Variants in OR4D9 observed in about 807,000 individuals in gnomAD.
OR4D9 encodes the protein olfactory receptor 4D9.
Under a neutral mutation model 0.8 loss-of-function variants are expected in OR4D9, and 2 were observed. That is an observed-to-expected ratio of 2.58 (90% CI 1.06 to 8.13). The LOEUF (loss-of-function observed/expected upper bound fraction) is 8.13. Ranked by LOEUF, OR4D9 falls within the 30% of genes most tolerant of loss-of-function variation. The probability of loss-of-function intolerance (pLI) is 0.04; values close to 1 mark genes in which losing one functional copy is unlikely to be tolerated. For synonymous variants in OR4D9, 146 were observed against 151.2 expected, an observed-to-expected ratio of 0.97 and a Z score of 0.25; for missense variants, 399 against 384.7, an observed-to-expected ratio of 1.04 and a Z score of -0.31.
intron 1 of OR4D9, among the ~76,000 whole-genome samples, chr11:59,513,420 G>A (rs547479793): frequency 9.9e-4 from 150 of 152,224 alleles, no homozygotes; most frequent in African/African-American, 3.3e-3. Context: ...GCCTCCCTTA[G>A]GCTCCCTTCA....
rs185592963 is a variant in OR4D9 at position 59,520,189 on chromosome 11, T to A, written c.*4332T>A. 6.6e-6 allele frequency: 1 copy of A among 152,006 alleles called. No individual in the cohort carries two copies. 9.4% of individuals were successfully genotyped at this position (152,006 alleles called of 1,614,324 possible). A position where few individuals can be genotyped will look rare whatever the true frequency, so the allele number is the denominator to read the frequency against. Reference sequence around the variant, plus strand: ...GTTCTATCTCATGGAACCCTGCCCTTCTAGTCACTACCTGGGTGACAAAAT... The same window carrying A: ...GTTCTATCTCATGGAACCCTGCCCTACTAGTCACTACCTGGGTGACAAAAT... On this transcript the variant is annotated 3_prime_UTR_variant, in exon 3 of 3. Coordinates refer to ENST00000641962, the MANE Select transcript of OR4D9 (RefSeq NM_001004711.2).
rs533960950 is a variant in OR4D9 at position 59,520,569 on chromosome 11, C to T, written c.*4712C>T. On this transcript the variant is annotated 3_prime_UTR_variant, in exon 3 of 3. Transcript: ENST00000641962. ...GGCACATGTATATGTATGTAACTAA[C>T]CTGCACATTGTGCACATGTACCCTA... 2.6e-5 allele frequency: 4 copies of T among 151,734 alleles called. No homozygotes were observed. Among genetic ancestry groups the T allele is most frequent in the Non-Finnish European group, 5.9e-5 (4 of 67,962 alleles). The allele number at this position is 151,734 out of a possible 1,614,324, so 9.4% of individuals were successfully genotyped here.
intron 1 of OR4D9, among the ~76,000 whole-genome samples, chr11:59,512,453 G>C (rs1859341273): frequency 6.8e-6 from 1 of 146,850 alleles, no homozygotes; most frequent in Non-Finnish European, 1.5e-5. Context: ...CTCCAGCCTG[G>C]GCGACACAGC....
chr11:59,512,244 T>A (rs1590635867), intron 1 of OR4D9, among the ~76,000 whole-genome samples: 1 of 151,008 alleles, frequency 6.6e-6, no homozygotes, highest in African/African-American at 2.5e-5. Context: ...TCCAAGATAC[T>A]TGATAAGCTT....
At position 59,515,522 on chromosome 11, in the gene OR4D9, G is replaced by C. The variant is rs1212432523; in HGVS notation, c.610G>C (p.Gly204Arg). Residue 204 changes from glycine (G) to arginine (R), a missense_variant, in exon 3 of 3, where the codon GGG (glycine) becomes CGG (arginine). Transcript: ENST00000641962. ...TLELLMISNN[G>R]LVSWFVFFFL... is the part of the protein sequence containing the mutation. ...GGAGCTCCTGATGATTTCAAATAAT[G>C]GGTTAGTCAGTTGGTTTGTATTCTT... 6.2e-7 allele frequency: 1 copy of C among 1,614,106 alleles called. No homozygotes were observed. The highest frequency in any genetic ancestry group is 1.1e-5 in the South Asian group (1 of 91,068).
rs1371903039 is a variant in OR4D9, at chr11:59,516,782, T to C, written c.*925T>C. On this transcript the variant is annotated 3_prime_UTR_variant, in exon 3 of 3. Transcript: ENST00000641962. ...TCATCTCTACAAAAAATCATGATAA[T>C]AGGCCGGGCGCGGTGGCTTATGCCT... 1.3e-5 allele frequency: 2 copies of C among 151,328 alleles called. No homozygotes were observed. The highest frequency in any genetic ancestry group is 3.2e-3 in the Middle Eastern group (1 of 312). 9.4% of individuals were successfully genotyped at this position (151,328 alleles called of 1,614,324 possible). A position where few individuals can be genotyped will look rare whatever the true frequency, so the allele number is the denominator to read the frequency against.
chr11:59,512,566 G>T (rs1859343534), intron 1 of OR4D9, among the ~76,000 whole-genome samples: 2 of 151,598 alleles, frequency 1.3e-5, no homozygotes, highest in Admixed American at 1.3e-4. Flanking sequence ...GCCCATGCCT[G>T]TAATCTCAGC....
chr11:59,515,985 C>A lies in OR4D9; in HGVS notation c.*128C>A, dbSNP rs1392155982. On this transcript the variant is annotated 3_prime_UTR_variant, in exon 3 of 3. Transcript: ENST00000641962. ...CCATCGAGTCCTAAAAGAAGTTATT[C>A]CATCATATATGTTGGGGACCACGTG... 1.4e-6 allele frequency: 1 copy of A among 695,352 alleles called. No homozygotes were observed. The highest frequency in any genetic ancestry group is 2.4e-6 in the Non-Finnish European group (1 of 425,500). 43.1% of individuals were successfully genotyped at this position (695,352 alleles called of 1,614,324 possible). A position where few individuals can be genotyped will look rare whatever the true frequency, so the allele number is the denominator to read the frequency against.
At chr11:59,512,990 T>A (rs895489251) in intron 1 of OR4D9, among the ~76,000 whole-genome samples, 20 of 152,348 alleles carry the variant, frequency 1.3e-4, no homozygotes, top group Middle Eastern at 3.4e-3. Flanking sequence ...GTGTTATAAA[T>A]GATAAATGTT....
chr11:59,514,975 A>C lies in OR4D9; in HGVS notation c.63A>C (p.Arg21=), dbSNP rs750772471. 1 of 1,614,030 alleles carries C rather than the reference A, an allele frequency of 6.2e-7. No homozygotes were observed. The highest frequency in any genetic ancestry group is 8.5e-7 in the Non-Finnish European group (1 of 1,179,876). The part of the protein sequence containing the change: ...EFTFLGITQS[R]ELSQVLFTFL... ...CCTTCCTGGGAATTACTCAGTCCCG[A>C]GAACTGAGCCAGGTCTTATTTACCT... Residue 21 remains arginine, a synonymous_variant, in exon 3 of 3, where the codon CGA becomes CGC. Coordinates refer to ENST00000641962, the MANE Select transcript of OR4D9 (RefSeq NM_001004711.2).
rs144291869 is a variant in OR4D9 at position 59,515,062 on chromosome 11, C to G, written c.150C>G (p.Thr50=). The G allele has an allele frequency of 1.9e-6, 3 of 1,614,028 alleles. No individual in the cohort carries two copies. Among genetic ancestry groups the G allele is most frequent in the African/African-American group, 1.3e-5 (1 of 74,906 alleles). Residue 50 remains threonine (T), a synonymous_variant, in exon 3 of 3, where the codon ACC becomes ACG. Transcript: ENST00000641962. Reference sequence around the variant, plus strand: ...ACTTCCTCATCATGGTTACAGTTACCTGTGAATCTCACCTTCATACGCCCA... The same window carrying G: ...ACTTCCTCATCATGGTTACAGTTACGTGTGAATCTCACCTTCATACGCCCA... ...MGNFLIMVTV[T]CESHLHTPMY...
At position 59,515,040 on chromosome 11, in the gene OR4D9, T is replaced by C; in HGVS notation, c.128T>C (p.Phe43Ser). The change falls in exon 3 of 3, where the codon TTC (phenylalanine) becomes TCC (serine). Residue 43 changes from phenylalanine (F) to serine (S), a missense_variant. Coordinates refer to ENST00000641962, the MANE Select transcript of OR4D9 (RefSeq NM_001004711.2). Reference protein sequence around the residue: ...LVYMTTLMGNFLIMVTVTCES... With the variant: ...LVYMTTLMGNSLIMVTVTCES... ...TACATGACAACTCTAATGGGAAACT[T>C]CCTCATCATGGTTACAGTTACCTGT... The C allele has an allele frequency of 6.2e-7, 1 of 1,614,092 alleles. No individual in the cohort carries two copies. Among genetic ancestry groups the C allele is most frequent in the South Asian group, 1.1e-5 (1 of 91,080 alleles).
chr11:59,518,241 T>G lies in OR4D9; in HGVS notation c.*2384T>G, dbSNP rs1859429995. 1 of 152,246 alleles carries G rather than the reference T, an allele frequency of 6.6e-6. No homozygotes were observed. Among genetic ancestry groups the G allele is most frequent in the African/African-American group, 2.4e-5 (1 of 41,452 alleles). The allele number at this position is 152,246 out of a possible 1,614,324, so 9.4% of individuals were successfully genotyped here. A position where few individuals can be genotyped will look rare whatever the true frequency, so the allele number is the denominator to read the frequency against. On this transcript the variant is annotated 3_prime_UTR_variant, in exon 3 of 3. Transcript: ENST00000641962. The stretch of plus-strand genomic sequence containing the variant: ...TCAAGCCATAGCAGCTGGCACACAT[T>G]TATCAATCAGAGTAGGCCAACCACT...
rs1859438016 is a variant in OR4D9 at position 59,518,810 on chromosome 11, A to C, written c.*2953A>C. 1 of 152,240 alleles carries C rather than the reference A, an allele frequency of 6.6e-6. No homozygotes were observed. The allele number at this position is 152,240 out of a possible 1,614,324, so 9.4% of individuals were successfully genotyped here. On this transcript the variant is annotated 3_prime_UTR_variant, in exon 3 of 3. Transcript: ENST00000641962. The stretch of plus-strand genomic sequence containing the variant: ...GAAGGGAGGGGTGTGTCTTTATGGG[A>C]CAGTCCTGGAAGTGGTGTGAACTAC...
chr11:59,516,128 T>C lies in OR4D9; in HGVS notation c.*271T>C, dbSNP rs1245768362. ...TGTCTGAAAGTACTGGGATTCAGAT[T>C]GCTGCAAAAAGATTAAATGTAGTCA... On this transcript the variant is annotated 3_prime_UTR_variant, in exon 3 of 3. Coordinates refer to ENST00000641962, the MANE Select transcript of OR4D9 (RefSeq NM_001004711.2). The C allele has an allele frequency of 1.3e-5, 4 of 312,402 alleles. No homozygotes were observed. The highest frequency in any genetic ancestry group is 2.1e-5 in the African/African-American group (1 of 46,628). The allele number at this position is 312,402 out of a possible 1,614,324, so 19.4% of individuals were successfully genotyped here.
Position 59,516,941 on chromosome 11 carries a change from T to C in OR4D9, c.*1084T>C, listed in dbSNP as rs1002838169. 4.6e-5 allele frequency: 7 copies of C among 152,044 alleles called. No homozygotes were observed. The highest frequency in any genetic ancestry group is 9.7e-5 in the African/African-American group (4 of 41,366). 9.4% of individuals were successfully genotyped at this position (152,044 alleles called of 1,614,324 possible). A position where few individuals can be genotyped will look rare whatever the true frequency, so the allele number is the denominator to read the frequency against. On this transcript the variant is annotated 3_prime_UTR_variant, in exon 3 of 3. Coordinates refer to ENST00000641962, the MANE Select transcript of OR4D9 (RefSeq NM_001004711.2). The stretch of plus-strand genomic sequence containing the variant: ...AAAATTAGCCAGGCTTGGTGGTGGG[T>C]GCCTGTAGTCCCAGCTACTGGGGAG...
At position 59,519,955 on chromosome 11, in the gene OR4D9, A is replaced by G. The variant is rs550603711; in HGVS notation, c.*4098A>G. On this transcript the variant is annotated 3_prime_UTR_variant, in exon 3 of 3. Transcript: ENST00000641962. ...ATCCTAAGCAAATTAATGCAGGAAC[A>G]AAAAATCGAATACCACATGTTCTCA... The G allele has an allele frequency of 1.3e-5, 2 of 152,334 alleles. No individual in the cohort carries two copies. Among genetic ancestry groups the G allele is most frequent in the African/African-American group, 4.8e-5 (2 of 41,584 alleles). The allele number at this position is 152,334 out of a possible 1,614,324, so 9.4% of individuals were successfully genotyped here. A position where few individuals can be genotyped will look rare whatever the true frequency, so the allele number is the denominator to read the frequency against.
rs551379737 is a variant in OR4D9 at position 59,519,983 on chromosome 11, T to A, written c.*4126T>A. The stretch of plus-strand genomic sequence containing the variant: ...AAATCGAATACCACATGTTCTCACT[T>A]ATGGGTGAGAGCTAACCATCGATTT... On this transcript the variant is annotated 3_prime_UTR_variant, in exon 3 of 3. Transcript: ENST00000641962. 1 of 152,268 alleles carries A rather than the reference T, an allele frequency of 6.6e-6. No homozygotes were observed. The highest frequency in any genetic ancestry group is 2.1e-4 in the South Asian group (1 of 4,830). The allele number at this position is 152,268 out of a possible 1,614,324, so 9.4% of individuals were successfully genotyped here.
intron 1 of OR4D9, among the ~76,000 whole-genome samples, chr11:59,512,293 C>CT (rs1590635878): frequency 7.1e-6 from 1 of 140,512 alleles, no homozygotes; most frequent in Non-Finnish European, 1.5e-5. Context: ...GATTTTTTTT[C>CT]TTTTTTCTTT....
Sources: gnomAD v4.1 joint callset for allele counts (sites outside exome capture counted in the v4.1 genomes callset) on GRCh38, gnomAD v4.1.1 for gene constraint, MANE v1.5 for transcripts, NCBI Gene and HGNC (gene_info 2026-07-23, HGNC 2026-07-21) for gene names.